Variants in MYLK observed in about 807,000 individuals in gnomAD.
MYLK encodes the protein myosin light chain kinase, smooth muscle.
In MYLK, 106 loss-of-function variants were observed where a neutral mutation model predicts 203.4. The ratio of observed to expected loss-of-function variants is 0.52; its 90% CI spans 0.45 to 0.61. MYLK has a LOEUF of 0.61. Ranked by LOEUF, MYLK falls within the 20% of genes least tolerant of loss-of-function variation. MYLK has a pLI of 0.00. For missense variants in MYLK, 2,072 were observed against 2,442.3 expected (o/e 0.85, Z 3.20); for synonymous variants, 867 against 959.5 (o/e 0.90, Z 1.78).
intron 3 of MYLK, among the ~76,000 whole-genome samples, chr3:123,824,791 A>G (rs750310596): frequency 1.3e-5 from 2 of 152,256 alleles, no homozygotes; most frequent in African/African-American, 2.4e-5. Flanking sequence ...TTTGATATAT[A>G]TATCATAATT....
At chr3:123,712,819 T>C (rs1394576559) in intron 13 of MYLK, among the ~76,000 whole-genome samples, 3 of 152,172 alleles carry the variant, frequency 2.0e-5, no homozygotes, top group East Asian at 3.9e-4. Flanking sequence ...AGATAATAGG[T>C]AAAAATACTT....
intron 23 of MYLK, among the ~76,000 whole-genome samples, chr3:123,658,853 T>C (rs1166329305): frequency 1.3e-5 from 2 of 152,204 alleles, no homozygotes; most frequent in African/African-American, 4.8e-5. Context: ...ATATTCATTC[T>C]TGTCCCCTCT....
intron 5 of MYLK, among the ~76,000 whole-genome samples, chr3:123,743,163 T>G (rs1413851141): frequency 1.3e-5 from 2 of 152,150 alleles, no homozygotes; most frequent in Non-Finnish European, 2.9e-5. Context: ...AAAATTAGAC[T>G]GAGCATTTTA....
At chr3:123,805,696 G>T (rs184965659) in intron 3 of MYLK, among the ~76,000 whole-genome samples, 2 of 152,192 alleles carry the variant, frequency 1.3e-5, no homozygotes, top group African/African-American at 2.4e-5. Flanking sequence ...GAGCCATCAC[G>T]TCACAGGCTT....
At chr3:123,853,847 C>G (rs1441443174) in intron 2 of MYLK, among the ~76,000 whole-genome samples, 1 of 152,160 alleles carries the variant, frequency 6.6e-6, no homozygotes, top group East Asian at 1.9e-4. Flanking sequence ...AATTATTTTA[C>G]TTCTGTCAAG....
At chr3:123,671,548 G>A (rs375021525) in intron 20 of MYLK, among the ~76,000 whole-genome samples, 5 of 152,284 alleles carry the variant, frequency 3.3e-5, no homozygotes, top group South Asian at 2.1e-4. Flanking sequence ...GTGAGAGACG[G>A]TGATGCTGGA....
chr3:123,847,069 A>C (rs2030110634), intron 2 of MYLK, among the ~76,000 whole-genome samples: 1 of 152,146 alleles, frequency 6.6e-6, no homozygotes, highest in Non-Finnish European at 1.5e-5. Context: ...ATTTTTTAAA[A>C]ATCTAATAAA....
chr3:123,872,449 T>C (rs1222670033), intron 2 of MYLK, among the ~76,000 whole-genome samples: 2 of 152,128 alleles, frequency 1.3e-5, no homozygotes, highest in Non-Finnish European at 2.9e-5. Context: ...TCCTACAGCT[T>C]AAGGGCTCAG....
intron 3 of MYLK, among the ~76,000 whole-genome samples, chr3:123,811,548 T>A (rs10511419): frequency 0.083 from 12,610 of 152,240 alleles, 1,361 homozygotes; most frequent in East Asian, 0.45. Flanking sequence ...GCTTGTCTAC[T>A]CCTGAACTTG....
At position 123,647,275 on chromosome 3, in the gene MYLK, T is replaced by G. The variant is rs762727464; in HGVS notation, c.4568A>C (p.Gln1523Pro). The G allele has an allele frequency of 3.1e-6, 5 of 1,614,244 alleles. No homozygotes were observed. Among genetic ancestry groups the G allele is most frequent in the Non-Finnish European group, 4.2e-6 (5 of 1,180,034 alleles). ...MNCLHHPKLV[Q>P]CVDAFEEKAN... ...CTTTTCTTCAAAGGCATCCACACAC[T>G]GGACCAGCTTAGGGTGGTGGAGGCA... Residue 1523 changes from glutamine to proline, a missense_variant, in exon 27 of 34, where the codon CAG becomes CCG. Physicochemically the swap from Gln to Pro is moderately conservative, Grantham distance 76. Around this residue, in one of 3 missense-constraint regions of MYLK, gnomAD observed 524 missense variants for 782.4 expected, o/e 0.67. Coordinates refer to ENST00000360304, the MANE Select transcript of MYLK (RefSeq NM_053025.4).
rs533802076 is a variant in MYLK at position 123,781,728 on chromosome 3, G to A, written c.165+11949C>T. On this transcript the variant is annotated intron_variant, in intron 4 of 33. Coordinates refer to ENST00000360304, the MANE Select transcript of MYLK (RefSeq NM_053025.4). ...TGGTCCAACTCTCAGCCTGATGTGT[G>A]TAGATCTCAACACCACAGTCCTCAC... 5.3e-4 allele frequency among the ~76,000 whole-genome samples: 81 copies of A among 152,166 alleles called. No individual in the cohort carries two copies. The South Asian group carries it at 0.015, about 28-fold the overall frequency.
chr3:123,878,218 C>T (rs1449531253), intron 1 of MYLK, among the ~76,000 whole-genome samples: 2 of 152,180 alleles, frequency 1.3e-5, no homozygotes, highest in Admixed American at 1.3e-4. Flanking sequence ...GGTTGCCAAG[C>T]ACGTGTTCAT....
intron 5 of MYLK, among the ~76,000 whole-genome samples, chr3:123,741,748 T>C (rs1157857878): frequency 6.6e-6 from 1 of 152,226 alleles, no homozygotes; most frequent in South Asian, 2.1e-4. Context: ...AACATAAATG[T>C]CACTCAGTAG....
At chr3:123,615,495 G>T (rs961684763) in intron 33 of MYLK, among the ~76,000 whole-genome samples, 1 of 151,508 alleles carries the variant, frequency 6.6e-6, no homozygotes, top group African/African-American at 2.4e-5. Context: ...CACGACACCC[G>T]GCTAATTTTT....
intron 2 of MYLK, among the ~76,000 whole-genome samples, chr3:123,837,683 C>T (rs575435972): frequency 1.8e-4 from 28 of 151,860 alleles, no homozygotes; most frequent in Non-Finnish European, 3.7e-4. Context: ...AAAGAAATGC[C>T]ATACCTATTC....
At chr3:123,835,593 T>G (rs549126888) in intron 2 of MYLK, among the ~76,000 whole-genome samples, 1 of 152,292 alleles carries the variant, frequency 6.6e-6, no homozygotes, top group African/African-American at 2.4e-5. Context: ...TTATATGGTT[T>G]GAAATTGTTT....
chr3:123,670,572 C>G (rs1184821607), intron 20 of MYLK, among the ~76,000 whole-genome samples: 2 of 151,936 alleles, frequency 1.3e-5, no homozygotes, highest in African/African-American at 2.4e-5. Context: ...CTGGGCAACA[C>G]GGCAAGACCC....
chr3:123,775,241 G>A (rs1349850309), intron 4 of MYLK, among the ~76,000 whole-genome samples: 1 of 152,050 alleles, frequency 6.6e-6, no homozygotes, highest in Non-Finnish European at 1.5e-5. Flanking sequence ...TGCTGCCCAG[G>A]CTGGTGGTCT....
At chr3:123,741,796 CA>C (rs1247319494) in intron 5 of MYLK, among the ~76,000 whole-genome samples, 1 of 152,206 alleles carries the variant, frequency 6.6e-6, no homozygotes, top group Non-Finnish European at 1.5e-5. Context: ...TACAATTAGA[CA>C]TCTTATTCTG....
Sources: allele counts gnomAD v4.1 joint callset (sites outside exome capture counted in the v4.1 genomes callset), GRCh38; gene constraint gnomAD v4.1.1; regional missense constraint gnomAD v4.1.1; transcripts MANE v1.5; gene names NCBI Gene and HGNC (gene_info 2026-07-23, HGNC 2026-07-21).